PUS10: variants seen among roughly 807,000 people sequenced by gnomAD.
PUS10 encodes pseudouridine synthase 10, also known as tRNA pseudouridine synthase Pus10.
In PUS10, 59 loss-of-function variants were observed where a neutral mutation model predicts 75.0. That is an observed-to-expected ratio of 0.79 (90% CI 0.64 to 0.98). PUS10 has a LOEUF of 0.98. Ranked by LOEUF, PUS10 falls within the 50% of genes least tolerant of loss-of-function variation. PUS10 has a pLI of 0.00. For synonymous variants in PUS10, 219 were observed against 211.6 expected, an observed-to-expected ratio of 1.03 and a Z score of -0.30; for missense variants, 650 against 614.4, an observed-to-expected ratio of 1.06 and a Z score of -0.61.
At chr2:60,975,380 C>T (rs1247715765) in intron 4 of PUS10, among the ~76,000 whole-genome samples, 3 of 152,034 alleles carry the variant, frequency 2.0e-5, no homozygotes, top group African/African-American at 4.8e-5. Flanking sequence ...ATCTTGACCT[C>T]GTGATCCGCC....
intron 2 of PUS10, 29 bp downstream of exon 2, chr2:61,011,736 G>GAA (rs370406865): frequency 2.5e-3 from 2,901 of 1,139,892 alleles, no homozygotes; most frequent in South Asian, 5.5e-3. Flanking sequence ...CTCTTAATTT[G>GAA]AAAAAAAAAA....
At chr2:60,947,786 G>A (rs1204460310) in intron 16 of PUS10, among the ~76,000 whole-genome samples, 22 of 134,186 alleles carry the variant, frequency 1.6e-4, no homozygotes, top group South Asian at 2.3e-4. Flanking sequence ...CCGAGATGGC[G>A]CCACCGCACT....
intron 4 of PUS10, among the ~76,000 whole-genome samples, chr2:60,981,292 A>T (rs1462289414): frequency 6.7e-6 from 1 of 150,348 alleles, no homozygotes; most frequent in African/African-American, 2.4e-5. Flanking sequence ...AAATTAAATT[A>T]TTTTTTTTGA....
At chr2:60,946,841 G>GTC (rs1674972971) in intron 16 of PUS10, among the ~76,000 whole-genome samples, 1 of 98,652 alleles carries the variant, frequency 1.0e-5, no homozygotes, top group African/African-American at 4.4e-5. Context: ...GTGTGTGTGT[G>GTC]TAATATATAT....
intron 4 of PUS10, among the ~76,000 whole-genome samples, chr2:60,977,375 A>G (rs1327776606): frequency 1.3e-5 from 2 of 152,204 alleles, no homozygotes; most frequent in African/African-American, 4.8e-5. Context: ...GCGATTAAAG[A>G]TGAAACTGGA....
Position 61,006,608 on chromosome 2 carries a change from G to A in PUS10, c.417C>T (p.Phe139=), listed in dbSNP as rs1679226922. ...AGGAGACTGAAAATACCAAGCTGGTGAATTCAAACCCAGAGGCCTCAACCT... is the reference window on the plus strand; with the variant it reads ...AGGAGACTGAAAATACCAAGCTGGTAAATTCAAACCCAGAGGCCTCAACCT... ...CQKVEASGFE[F]TSLVFSVSFP... is the part of the protein sequence containing the mutation. Residue 139 remains phenylalanine (F), a synonymous_variant, in exon 4 of 18, where the codon TTC becomes TTT. Coordinates refer to ENST00000316752, the MANE Select transcript of PUS10 (RefSeq NM_144709.4). The A allele has an allele frequency of 1.2e-6, 2 of 1,613,482 alleles. No homozygotes were observed. Among genetic ancestry groups the A allele is most frequent in the African/African-American group, 2.7e-5 (2 of 74,998 alleles).
chr2:61,017,737 GGAGCC>G, intron 1 of PUS10: 1 of 1,544,190 alleles, frequency 6.5e-7, no homozygotes, highest in Non-Finnish European at 8.8e-7. Context: ...GGTAGGAGCG[GGAGCC>G]GAGAGGAGGC....
intron 4 of PUS10, among the ~76,000 whole-genome samples, chr2:60,989,297 T>C (rs917848831): frequency 6.6e-6 from 1 of 152,190 alleles, no homozygotes; most frequent in Non-Finnish European, 1.5e-5. Context: ...CCCCACTCCA[T>C]GCAGCCAGGT....
intron 16 of PUS10, 25 bp downstream of exon 16, chr2:60,948,018 G>A (rs1216250321): frequency 8.1e-6 from 13 of 1,613,468 alleles, no homozygotes; most frequent in Non-Finnish European, 1.1e-5. Flanking sequence ...GTTCGATGGC[G>A]GCAGTGCAGC....
At chr2:60,971,642 C>T in intron 4 of PUS10, 85 bp from the exon 5 acceptor site, 1 of 1,264,302 alleles carries the variant, frequency 7.9e-7, no homozygotes, top group Non-Finnish European at 1.1e-6. Flanking sequence ...TACTGAAGTG[C>T]TTAACTATTT....
intron 5 of PUS10, among the ~76,000 whole-genome samples, chr2:60,967,892 T>C (rs531848229): frequency 1.3e-5 from 2 of 152,272 alleles, no homozygotes; most frequent in East Asian, 3.9e-4. Flanking sequence ...TTTTCTAAGC[T>C]AGAATTGCCA....
At position 60,967,651 on chromosome 2, in the gene PUS10, C is replaced by CT. The variant is rs777973969; in HGVS notation, c.504-39dup. On this transcript the variant is annotated intron_variant, in intron 5 of 17. Transcript: ENST00000316752. Reference sequence around the variant, plus strand: ...AAAATTAATTCACTGACATGAAAAACTTTACTTTTTCTATTAAAGGCAAGA... The same window carrying CT: ...AAAATTAATTCACTGACATGAAAAACTTTTACTTTTTCTATTAAAGGCAAGA... The CT allele has an allele frequency of 4.9e-6, 7 of 1,436,364 alleles. No homozygotes were observed. The South Asian group carries it at 8.6e-5, about 18-fold the overall frequency. The allele number at this position is 1,436,364 out of a possible 1,614,324, so 89.0% of individuals were successfully genotyped here. A position where few individuals can be genotyped will look rare whatever the true frequency, so the allele number is the denominator to read the frequency against.
chr2:61,003,263 A>G (rs1201634130), intron 4 of PUS10, among the ~76,000 whole-genome samples: 1 of 152,114 alleles, frequency 6.6e-6, no homozygotes, highest in East Asian at 1.9e-4. Flanking sequence ...GGAGTTTGAG[A>G]CCAGCCTGAC....
intron 4 of PUS10, among the ~76,000 whole-genome samples, chr2:60,990,852 C>A (rs1678030496): frequency 6.6e-6 from 1 of 152,116 alleles, no homozygotes. Context: ...TCAAGCAATC[C>A]TCCCACCTCA....
At chr2:60,963,794 G>A (rs538688283) in intron 8 of PUS10, among the ~76,000 whole-genome samples, 3 of 152,112 alleles carry the variant, frequency 2.0e-5, no homozygotes, top group African/African-American at 2.4e-5. Flanking sequence ...TCCCAGCCAT[G>A]AGGCAAGAAA....
chr2:61,014,809 A>G (rs888759322), intron 1 of PUS10, among the ~76,000 whole-genome samples: 3 of 152,224 alleles, frequency 2.0e-5, no homozygotes, highest in Non-Finnish European at 4.4e-5. Flanking sequence ...ACAGCTTAGT[A>G]TAAAGACGTG....
At chr2:61,001,746 TA>T (rs1678871061) in intron 4 of PUS10, among the ~76,000 whole-genome samples, 1 of 152,224 alleles carries the variant, frequency 6.6e-6, no homozygotes, top group African/African-American at 2.4e-5. Flanking sequence ...AGCCTTTGTG[TA>T]AAAACAGAGG....
chr2:60,949,511 C>A (rs957508693), intron 15 of PUS10, among the ~76,000 whole-genome samples: 1 of 151,940 alleles, frequency 6.6e-6, no homozygotes, highest in Non-Finnish European at 1.5e-5. Context: ...CACTCCGCTG[C>A]TCCCATACTG....
chr2:60,962,840 T>C lies in PUS10; in HGVS notation c.774A>G (p.Glu258=). ...AVMKALNKIK[E]EDFLKQFPCP... ...CTTCTACTTACTTAAGGAAATCCTCTTCCTTTATCTTATTCAAGGCTTTCA... is the reference window on the plus strand; with the variant it reads ...CTTCTACTTACTTAAGGAAATCCTCCTCCTTTATCTTATTCAAGGCTTTCA... Residue 258 remains glutamate, a synonymous_variant, in exon 9 of 18, where the codon GAA becomes GAG. Coordinates refer to ENST00000316752, the MANE Select transcript of PUS10 (RefSeq NM_144709.4). The C allele has an allele frequency of 6.3e-7, 1 of 1,579,596 alleles. No individual in the cohort carries two copies. The highest frequency in any genetic ancestry group is 8.6e-7 in the Non-Finnish European group (1 of 1,167,340).
Sources: gnomAD v4.1 joint callset for allele counts (sites outside exome capture counted in the v4.1 genomes callset) on GRCh38, gnomAD v4.1.1 for gene constraint, MANE v1.5 for transcripts, NCBI Gene and HGNC (gene_info 2026-07-23, HGNC 2026-07-21) for gene names.